CAPN8: variants seen among roughly 807,000 people sequenced by gnomAD.
The protein encoded by CAPN8 is calpain-8.
A neutral mutation model predicts 80.9 loss-of-function variants in CAPN8; 87 were observed. That is an observed-to-expected ratio of 1.07 (90% CI 0.90 to 1.28). CAPN8 has a LOEUF of 1.28. Ranked by LOEUF, CAPN8 falls within the 50% of genes most tolerant of loss-of-function variation. The probability of loss-of-function intolerance (pLI) is 0.00; values close to 1 mark genes in which losing one functional copy is unlikely to be tolerated. For missense variants in CAPN8, 757 were observed against 702.0 expected (o/e 1.08, Z -0.89); for synonymous variants, 299 against 273.8 (o/e 1.09, Z -0.91).
rs1572219354 is a variant in CAPN8, at chr1:223,545,412, T to C, written c.1765-113A>G. The C allele has an allele frequency of 4.7e-6, 7 of 1,491,844 alleles. No individual in the cohort carries two copies. The East Asian group carries it at 1.7e-4, about 37-fold the overall frequency. 92.4% of individuals were successfully genotyped at this position (1,491,844 alleles called of 1,614,324 possible). On this transcript the variant is annotated intron_variant, in intron 16 of 20. Coordinates refer to ENST00000366872, the MANE Select transcript of CAPN8 (RefSeq NM_001143962.2). ...AAGGCCTTAGTGAACCTTCCATGTC[T>C]GTGGCAAGCAGAGCAGTGGGGGTGA...
At chr1:223,650,065 C>T (rs1658305152) in intron 2 of CAPN8, among the ~76,000 whole-genome samples, 1 of 152,162 alleles carries the variant, frequency 6.6e-6, no homozygotes, top group South Asian at 2.1e-4. Flanking sequence ...CCCGTGCATG[C>T]TGAATTAGGC....
At chr1:223,642,458 A>G (rs1229527485) in intron 2 of CAPN8, among the ~76,000 whole-genome samples, 2 of 152,188 alleles carry the variant, frequency 1.3e-5, no homozygotes, top group African/African-American at 2.4e-5. Context: ...ACGACCCAGA[A>G]GGGGCCTCTC....
chr1:223,654,595 G>A (rs1658427997), intron 1 of CAPN8, among the ~76,000 whole-genome samples, 196 bp from the exon 2 acceptor site: 1 of 152,182 alleles, frequency 6.6e-6, no homozygotes, highest in African/African-American at 2.4e-5. Flanking sequence ...ACACAGCCAG[G>A]GGTGAACAGA....
At chr1:223,654,257 A>G (rs1051123889) in intron 2 of CAPN8, 73 bp downstream of exon 2, 5 of 1,311,092 alleles carry the variant, frequency 3.8e-6, no homozygotes, top group East Asian at 5.1e-5. Flanking sequence ...TCACAGCTTC[A>G]TCTGATGTTT....
chr1:223,654,761 C>T (rs1178169705), intron 1 of CAPN8, among the ~76,000 whole-genome samples: 4 of 152,000 alleles, frequency 2.6e-5, no homozygotes, highest in Non-Finnish European at 2.9e-5. Flanking sequence ...CTGCAACCTC[C>T]GCCTCCCGGA....
At chr1:223,663,311 C>T (rs868403645) in intron 1 of CAPN8, among the ~76,000 whole-genome samples, 1 of 152,194 alleles carries the variant, frequency 6.6e-6, no homozygotes, top group Non-Finnish European at 1.5e-5. Flanking sequence ...TGATACCTGA[C>T]TTTGGTCTCT....
chr1:223,550,827 G>A, intron 15 of CAPN8, 133 bp downstream of exon 15: 1 of 583,482 alleles, frequency 1.7e-6, no homozygotes, highest in Non-Finnish European at 3.1e-6. Context: ...GACTGAATCA[G>A]GGCTCCTGGG....
At chr1:223,642,525 C>G (rs1327391456) in intron 2 of CAPN8, among the ~76,000 whole-genome samples, 1 of 152,186 alleles carries the variant, frequency 6.6e-6, no homozygotes, top group Non-Finnish European at 1.5e-5. Flanking sequence ...TCACACATCA[C>G]TACATTTGGC....
intron 1 of CAPN8, among the ~76,000 whole-genome samples, chr1:223,662,504 C>T (rs151251955): frequency 6.8e-4 from 103 of 152,030 alleles, no homozygotes; most frequent in African/African-American, 2.4e-3. Context: ...AAACGAAATT[C>T]GGGGAAGAAT....
In CAPN8 at chr1:223,650,058, G is replaced by A. The variant is rs148419601; in HGVS notation, c.307+4272C>T. 7.6e-3 allele frequency among the ~76,000 whole-genome samples: 1,150 copies of A among 152,304 alleles called. 12 individuals are homozygous for A. The highest frequency in any genetic ancestry group is 0.027 in the Middle Eastern group (8 of 294). ...CAGAGGTGCACCAAGAAGACTACCC[G>A]TGCATGCTGAATTAGGCACTGCTAG... On this transcript the variant is annotated intron_variant, in intron 2 of 20. Transcript: ENST00000366872.
chr1:223,656,982 C>T (rs1175582283), intron 1 of CAPN8, among the ~76,000 whole-genome samples: 1 of 152,176 alleles, frequency 6.6e-6, no homozygotes, highest in African/African-American at 2.4e-5. Flanking sequence ...CCGCGCCCAG[C>T]CACATACACA....
intron 9 of CAPN8, 79 bp from the exon 10 acceptor site, chr1:223,616,224 C>G: frequency 7.0e-7 from 1 of 1,422,218 alleles, no homozygotes; most frequent in East Asian, 2.5e-5. Flanking sequence ...AGGGAAGAAA[C>G]TTGATCATCC....
rs978662251 is a variant in CAPN8 at position 223,609,277 on chromosome 1, G to A, written c.1411C>T (p.Arg471Trp). The A allele has an allele frequency of 6.5e-5, 26 of 398,444 alleles. No homozygotes were observed. The highest frequency in any genetic ancestry group is 3.1e-4 in the Admixed American group (7 of 22,716). The allele number at this position is 398,444 out of a possible 1,614,324, so 24.7% of individuals were successfully genotyped here. The change falls in exon 12 of 21, where the codon CGG becomes TGG. Residue 471 changes from arginine (R) to tryptophan (W), a missense_variant. Coordinates refer to ENST00000366872, the MANE Select transcript of CAPN8 (RefSeq NM_001143962.2). ...SARTSTYVNLREVSGRARLPP... is the reference protein window; with the variant it reads ...SARTSTYVNLWEVSGRARLPP... ...AGCCGGGCCCGGCCAGAGACCTCCC[G>A]CAGGTTGACGTAGGTGCTGGTGCGG...
intron 2 of CAPN8, among the ~76,000 whole-genome samples, chr1:223,640,554 G>A (rs1035292809): frequency 2.0e-5 from 3 of 152,110 alleles, no homozygotes; most frequent in African/African-American, 7.2e-5. Context: ...AGTTGCTGAA[G>A]CCCAGAAGCC....
At chr1:223,628,194 G>A in intron 3 of CAPN8, 52 bp from the exon 4 acceptor site, 1 of 1,500,028 alleles carries the variant, frequency 6.7e-7, no homozygotes. Context: ...GATGTGTAAA[G>A]GGAGTCCCTC....
intron 2 of CAPN8, chr1:223,642,858 T>C (rs1249986485): frequency 2.2e-6 from 1 of 455,394 alleles, no homozygotes; most frequent in Non-Finnish European, 4.4e-6. Context: ...GGAATAAGAC[T>C]CAATGGCATG....
chr1:223,664,725 C>T (rs1006204160), intron 1 of CAPN8, among the ~76,000 whole-genome samples: 21 of 152,134 alleles, frequency 1.4e-4, no homozygotes, highest in Non-Finnish European at 2.5e-4. Context: ...ATGGCTTAAG[C>T]CCAGGAGTCC....
chr1:223,657,336 A>G (rs532229371), intron 1 of CAPN8, among the ~76,000 whole-genome samples: 1 of 152,322 alleles, frequency 6.6e-6, no homozygotes, highest in Admixed American at 6.5e-5. Flanking sequence ...AGTAATAAGT[A>G]AAAAGAAAGA....
chr1:223,648,489 G>A (rs753486186), intron 2 of CAPN8, among the ~76,000 whole-genome samples: 8 of 152,190 alleles, frequency 5.3e-5, no homozygotes, highest in Non-Finnish European at 7.3e-5. Context: ...AGGTGTCCAG[G>A]AAAGTGATCT....
Sources: allele counts gnomAD v4.1 joint callset (sites outside exome capture counted in the v4.1 genomes callset), GRCh38; gene constraint gnomAD v4.1.1; transcripts MANE v1.5; gene names NCBI Gene and HGNC (gene_info 2026-07-23, HGNC 2026-07-21).